The following EMILIN2 variants were observed in gnomAD, a reference collection of about 807,000 sequenced individuals.
EMILIN2 encodes EMILIN-2.
A neutral mutation model predicts 87.1 loss-of-function variants in EMILIN2; 71 were observed. The ratio of observed to expected loss-of-function variants is 0.82; its 90% CI spans 0.67 to 0.99. The LOEUF (loss-of-function observed/expected upper bound fraction) is 0.99, where lower values mean the gene tolerates loss of function less well. Among genes scored for constraint, EMILIN2 ranks in the 50% least tolerant of loss-of-function variants. The probability of loss-of-function intolerance (pLI) is 0.00; values close to 1 mark genes in which losing one functional copy is unlikely to be tolerated. For synonymous variants in EMILIN2, 581 were observed against 563.4 expected, an observed-to-expected ratio of 1.03 and a Z score of -0.44; for missense variants, 1,407 against 1,371.8, an observed-to-expected ratio of 1.03 and a Z score of -0.40.
In EMILIN2 at chr18:2,847,288, C is replaced by A. The variant is rs2076579647; in HGVS notation, c.100C>A (p.Pro34Thr). ...GAGLCHAGPQ[P>T]GYPARPSARN... ...GGGGCTGTGCCACGCCGGCCCGCAGCCCGGGTATCCCGCGCGGCCCAGCGC... is the reference window on the plus strand; with the variant it reads ...GGGGCTGTGCCACGCCGGCCCGCAGACCGGGTATCCCGCGCGGCCCAGCGC... Residue 34 changes from proline to threonine, a missense_variant, in exon 1 of 8, where the codon CCC becomes ACC. Physicochemically the swap from Pro to Thr is conservative, Grantham distance 38. Coordinates refer to ENST00000254528, the MANE Select transcript of EMILIN2 (RefSeq NM_032048.3). This position sits in a 1 kb window ranked among gnomAD's most constrained non-coding sequence, Gnocchi z 4.5. 5 of 1,317,460 alleles carry A rather than the reference C, an allele frequency of 3.8e-6. No homozygotes were observed. The Admixed American group carries it at 1.2e-4, about 32-fold the overall frequency. 81.6% of individuals were successfully genotyped at this position (1,317,460 alleles called of 1,614,324 possible). A position where few individuals can be genotyped will look rare whatever the true frequency, so the allele number is the denominator to read the frequency against.
intron 2 of EMILIN2, among the ~76,000 whole-genome samples, chr18:2,873,414 A>G (rs1200026064): frequency 7.2e-6 from 1 of 139,136 alleles, no homozygotes; most frequent in African/African-American, 2.7e-5. Flanking sequence ...CGTCTCAACA[A>G]AATAAATAAA....
chr18:2,896,770 A>C (rs1327777796), intron 4 of EMILIN2, among the ~76,000 whole-genome samples: 4 of 152,072 alleles, frequency 2.6e-5, no homozygotes, highest in Non-Finnish European at 5.9e-5. Context: ...CTGTAATTAC[A>C]TGTGCTGGGA....
intron 2 of EMILIN2, among the ~76,000 whole-genome samples, chr18:2,866,663 C>T (rs1598488386): frequency 6.6e-6 from 1 of 152,192 alleles, no homozygotes; most frequent in African/African-American, 2.4e-5. Flanking sequence ...TTGACTTCCT[C>T]TTTACAGATT....
At chr18:2,875,269 A>G (rs2076741468) in intron 2 of EMILIN2, among the ~76,000 whole-genome samples, 1 of 152,216 alleles carries the variant, frequency 6.6e-6, no homozygotes, top group South Asian at 2.1e-4. Flanking sequence ...TTGGATCACA[A>G]GTCCACGGAG....
chr18:2,901,432 A>G (rs1246939936), intron 4 of EMILIN2, among the ~76,000 whole-genome samples: 1 of 152,224 alleles, frequency 6.6e-6, no homozygotes, highest in Non-Finnish European at 1.5e-5. Flanking sequence ...TTTTCTTAGG[A>G]AAGTCTTTGT....
rs550630515 is a variant in EMILIN2, at chr18:2,854,788, AAAAC to A, written c.257+6865_257+6868del. Among the ~76,000 whole-genome samples the A allele has an allele frequency of 2.8e-4, 43 of 152,314 alleles. No homozygotes were observed. The East Asian group carries it at 6.4e-3, about 23-fold the overall frequency. On this transcript the variant is annotated intron_variant, in intron 2 of 7. Transcript: ENST00000254528. ...AGGCGTGGATGACAGAGTCAAAAAC[AAAAC>A]AAACAAAAAAACCCAGAACAGAACA...
Position 2,891,848 on chromosome 18 carries a change from G to T in EMILIN2, c.1721G>T (p.Arg574Leu), listed in dbSNP as rs146246363. The T allele has an allele frequency of 1.2e-6, 2 of 1,614,244 alleles. No individual in the cohort carries two copies. The highest frequency in any genetic ancestry group is 1.7e-6 in the Non-Finnish European group (2 of 1,180,038). ...MEGALPNRED[R>L]AVRDSLHLLK... ...GGTGCCTTGCCAAACAGGGAAGACCGCGCAGTACGCGACAGCCTGCACCTT... is the reference window on the plus strand; with the variant it reads ...GGTGCCTTGCCAAACAGGGAAGACCTCGCAGTACGCGACAGCCTGCACCTT... The change falls in exon 4 of 8, where the codon CGC becomes CTC. Residue 574 changes from arginine to leucine, a missense_variant. Coordinates refer to ENST00000254528, the MANE Select transcript of EMILIN2 (RefSeq NM_032048.3). This position sits in a 1 kb window ranked among gnomAD's most constrained non-coding sequence, Gnocchi z 4.6.
At chr18:2,907,833 C>G (rs2076922042) in intron 5 of EMILIN2, among the ~76,000 whole-genome samples, 2 of 152,330 alleles carry the variant, frequency 1.3e-5, no homozygotes, top group Admixed American at 6.5e-5. Context: ...ACAGATGACC[C>G]TGAATGGGGC....
rs749177610 is a variant in EMILIN2, at chr18:2,892,018, A to G, written c.1891A>G (p.Asn631Asp). Reference sequence around the variant, plus strand: ...GACTCATCTTCAAAAGGAAATGAGCAATTGTAGAGCAGGTGAAAACGCTGG... The same window carrying G: ...GACTCATCTTCAAAAGGAAATGAGCGATTGTAGAGCAGGTGAAAACGCTGG... ...DVTHLQKEMS[N>D]CRAGENAGMG... is the part of the protein sequence containing the mutation. The change falls in exon 4 of 8, where the codon AAT becomes GAT. Residue 631 changes from asparagine to aspartate, a missense_variant. Transcript: ENST00000254528. 1.9e-6 allele frequency: 3 copies of G among 1,614,242 alleles called. No individual in the cohort carries two copies. The highest frequency in any genetic ancestry group is 2.5e-6 in the Non-Finnish European group (3 of 1,180,052).
intron 2 of EMILIN2, among the ~76,000 whole-genome samples, chr18:2,866,461 G>A (rs2076687207): frequency 6.6e-6 from 1 of 152,304 alleles, no homozygotes; most frequent in Middle Eastern, 3.4e-3. Context: ...AAGGGGTTGA[G>A]TTTGTGATTT....
intron 3 of EMILIN2, among the ~76,000 whole-genome samples, chr18:2,888,850 A>G (rs1265634834): frequency 6.6e-6 from 1 of 151,232 alleles, no homozygotes; most frequent in Non-Finnish European, 1.5e-5. Context: ...TTTTACCACT[A>G]ACTTGATTTT....
Position 2,847,780 on chromosome 18 carries a change from C to A in EMILIN2, c.135-29C>A. 1 of 1,609,620 alleles carries A rather than the reference C, an allele frequency of 6.2e-7. No homozygotes were observed. The highest frequency in any genetic ancestry group is 8.5e-7 in the Non-Finnish European group (1 of 1,179,150). On this transcript the variant is annotated intron_variant, in intron 1 of 7. Transcript: ENST00000254528. This position sits in a 1 kb window ranked among gnomAD's most constrained non-coding sequence, Gnocchi z 4.5. ...CATTGTTCTCCGGGTTTACCCCGTG[C>A]CCCTCTCCCTCTCTCTCCTGCACCC...
chr18:2,895,093 A>G (rs2076857172), intron 4 of EMILIN2, among the ~76,000 whole-genome samples: 1 of 151,980 alleles, frequency 6.6e-6, no homozygotes. Flanking sequence ...TGTGGTAGGT[A>G]ATGGCTGTGT....
chr18:2,895,306 G>A (rs1029240974), intron 4 of EMILIN2, among the ~76,000 whole-genome samples: 4 of 152,088 alleles, frequency 2.6e-5, no homozygotes, highest in Non-Finnish European at 4.4e-5. Context: ...ATGGGGTGAG[G>A]AATAAGGTGA....
chr18:2,895,259 T>C (rs1216386414), intron 4 of EMILIN2, among the ~76,000 whole-genome samples: 1 of 151,974 alleles, frequency 6.6e-6, no homozygotes, highest in African/African-American at 2.4e-5. Flanking sequence ...AGCTGAGCCC[T>C]CAGTGTAGGT....
intron 2 of EMILIN2, among the ~76,000 whole-genome samples, chr18:2,859,182 C>A (rs1046488111): frequency 2.0e-4 from 30 of 152,148 alleles, no homozygotes; most frequent in African/African-American, 6.5e-4. Context: ...ACGTTCCCAT[C>A]AGCAGTGTAG....
intron 2 of EMILIN2, among the ~76,000 whole-genome samples, chr18:2,870,585 G>A (rs1306821268): frequency 6.6e-6 from 1 of 152,206 alleles, no homozygotes; most frequent in East Asian, 1.9e-4. Context: ...GAAACACAAC[G>A]TGCTGGGGTG....
chr18:2,847,539 C>T lies in EMILIN2; in HGVS notation c.134+217C>T, dbSNP rs2076581460. Among the ~76,000 whole-genome samples the T allele has an allele frequency of 6.6e-6, 1 of 152,204 alleles. No homozygotes were observed. Among genetic ancestry groups the T allele is most frequent in the Admixed American group, 6.5e-5 (1 of 15,294 alleles). On this transcript the variant is annotated intron_variant, in intron 1 of 7. Transcript: ENST00000254528. The surrounding 1 kb of genome is among the most constrained non-coding windows in gnomAD (Gnocchi z 4.5). The stretch of plus-strand genomic sequence containing the variant: ...TGGGCGCAGAGAGCGTCCCGCAGAC[C>T]CGGGCGATCCGAAAACGACTCCCAG...
rs968221053 is a variant in EMILIN2, at chr18:2,913,821, A to G, written c.*417A>G. 1.8e-5 allele frequency: 3 copies of G among 171,080 alleles called. No individual in the cohort carries two copies. Among genetic ancestry groups the G allele is most frequent in the Admixed American group, 5.5e-5 (1 of 18,094 alleles). The allele number at this position is 171,080 out of a possible 1,614,324, so 10.6% of individuals were successfully genotyped here. On this transcript the variant is annotated 3_prime_UTR_variant, in exon 8 of 8. Coordinates refer to ENST00000254528, the MANE Select transcript of EMILIN2 (RefSeq NM_032048.3). ...GGCCAGCTGTCTGTCTTTACACTGC[A>G]TGCAGAAGTTTAAACACTGAAGTGC... is the stretch of plus-strand genomic sequence containing the variant.
Sources: allele counts gnomAD v4.1 joint callset (sites outside exome capture counted in the v4.1 genomes callset), GRCh38; gene constraint gnomAD v4.1.1; non-coding constraint Gnocchi (gnomAD v3.1); transcripts MANE v1.5; gene names NCBI Gene and HGNC (gene_info 2026-07-23, HGNC 2026-07-21).